FAM210A: variants seen among roughly 807,000 people sequenced by gnomAD.
FAM210A encodes the protein family with sequence similarity 210 member A.
Under a neutral mutation model 25.3 loss-of-function variants are expected in FAM210A, and 13 were observed. That is an observed-to-expected ratio of 0.51 (90% CI 0.33 to 0.82). The LOEUF (loss-of-function observed/expected upper bound fraction) is 0.82, where lower values mean the gene tolerates loss of function less well. Among genes scored for constraint, FAM210A ranks in the 40% least tolerant of loss-of-function variants. The probability of loss-of-function intolerance (pLI) is 0.02; values close to 1 mark genes in which losing one functional copy is unlikely to be tolerated. For synonymous variants in FAM210A, 125 were observed against 118.7 expected (o/e 1.05, Z -0.35); for missense variants, 319 against 323.2 (o/e 0.99, Z 0.10).
intron 1 of FAM210A, among the ~76,000 whole-genome samples, chr18:13,716,395 T>C (rs369728946): frequency 3.3e-5 from 5 of 152,194 alleles, no homozygotes; most frequent in East Asian, 1.9e-4. Context: ...TGTGGCTGGC[T>C]GACTGTTATT....
At chr18:13,723,719 T>G (rs1029100566) in intron 1 of FAM210A, among the ~76,000 whole-genome samples, 28 of 152,362 alleles carry the variant, frequency 1.8e-4, no homozygotes, top group African/African-American at 6.5e-4. Flanking sequence ...ATTAAATAAC[T>G]AGGTATTATA....
chr18:13,698,664 A>G (rs2043715243), intron 1 of FAM210A, among the ~76,000 whole-genome samples: 1 of 152,080 alleles, frequency 6.6e-6, no homozygotes, highest in South Asian at 2.1e-4. Context: ...GCACAGGAAC[A>G]TTTTTATCAT....
At chr18:13,708,718 T>A (rs569091346) in intron 1 of FAM210A, among the ~76,000 whole-genome samples, 4 of 152,360 alleles carry the variant, frequency 2.6e-5, no homozygotes, top group Admixed American at 6.5e-5. Flanking sequence ...CATCTGATAC[T>A]GCTCCACAAG....
intron 1 of FAM210A, among the ~76,000 whole-genome samples, chr18:13,687,484 T>TG (rs1441178205): frequency 6.6e-6 from 1 of 151,972 alleles, no homozygotes; most frequent in Non-Finnish European, 1.5e-5. Context: ...ATTGGACGAG[T>TG]GAGCCGGGCA....
chr18:13,719,509 G>A (rs950689136), intron 1 of FAM210A, among the ~76,000 whole-genome samples: 10 of 152,092 alleles, frequency 6.6e-5, no homozygotes, highest in East Asian at 1.9e-4. Flanking sequence ...CCACTTCTCC[G>A]GGAGGATCCC....
intron 2 of FAM210A, among the ~76,000 whole-genome samples, chr18:13,675,293 C>A (rs2043485047): frequency 9.4e-6 from 1 of 106,942 alleles, no homozygotes; most frequent in Non-Finnish European, 2.0e-5. Flanking sequence ...TATTAACATT[C>A]CTGAGACCCG....
chr18:13,716,803 A>T (rs1243968299), intron 1 of FAM210A, among the ~76,000 whole-genome samples: 2 of 152,046 alleles, frequency 1.3e-5, no homozygotes, highest in Admixed American at 6.5e-5. Flanking sequence ...TTCCACTATG[A>T]TTGGAAGTTT....
chr18:13,691,062 TGACCC>T (rs1407287090), intron 1 of FAM210A, among the ~76,000 whole-genome samples: 2 of 152,178 alleles, frequency 1.3e-5, no homozygotes, highest in African/African-American at 4.8e-5. Flanking sequence ...AGTCCTTAAA[TGACCC>T]GATGGAGCTG....
At chr18:13,722,635 A>G (rs757995087) in intron 1 of FAM210A, among the ~76,000 whole-genome samples, 2 of 152,132 alleles carry the variant, frequency 1.3e-5, no homozygotes, top group Non-Finnish European at 2.9e-5. Context: ...CAATGCCCTC[A>G]TTTTAATAGC....
chr18:13,706,233 G>A (rs1231861524), intron 1 of FAM210A, among the ~76,000 whole-genome samples: 1 of 152,020 alleles, frequency 6.6e-6, no homozygotes, highest in Non-Finnish European at 1.5e-5. Context: ...GAAAAAGATG[G>A]CATCCTTGAT....
At chr18:13,718,602 T>C (rs979638529) in intron 1 of FAM210A, among the ~76,000 whole-genome samples, 7 of 152,212 alleles carry the variant, frequency 4.6e-5, no homozygotes, top group Admixed American at 3.9e-4. Context: ...GTATAAATTG[T>C]GTCTTTTCCC....
At position 13,664,500 on chromosome 18, in the gene FAM210A, G is replaced by C. The variant is rs1367716694; in HGVS notation, c.*1980C>G. ...AAACAGCACTTAAACCTGCAAAAAT[G>C]TGAATTATTTGATAAATACTTAAAA... On this transcript the variant is annotated 3_prime_UTR_variant, in exon 4 of 4. Coordinates refer to ENST00000651643, the MANE Select transcript of FAM210A (RefSeq NM_152352.4). 1 of 152,158 alleles carries C rather than the reference G, an allele frequency of 6.6e-6. No homozygotes were observed. Among genetic ancestry groups the C allele is most frequent in the African/African-American group, 2.4e-5 (1 of 41,438 alleles). 9.4% of individuals were successfully genotyped at this position (152,158 alleles called of 1,614,324 possible).
At chr18:13,690,340 GAAC>G (rs2043632633) in intron 1 of FAM210A, among the ~76,000 whole-genome samples, 1 of 152,330 alleles carries the variant, frequency 6.6e-6, no homozygotes, top group South Asian at 2.1e-4. Flanking sequence ...AGGCATAGCC[GAAC>G]AAAAGGCAGC....
rs772413284 is a variant in FAM210A at position 13,666,467 on chromosome 18, T to C, written c.*13A>G. The C allele has an allele frequency of 6.3e-7, 1 of 1,599,544 alleles. No individual in the cohort carries two copies. Among genetic ancestry groups the C allele is most frequent in the African/African-American group, 1.3e-5 (1 of 74,474 alleles). ...AAAGTGCAGGAATTTTCTATACTGC[T>C]ATATAAGGCACCTTATTCCACTTTT... On this transcript the variant is annotated 3_prime_UTR_variant, in exon 4 of 4. Transcript: ENST00000651643.
rs1318944709 is a variant in FAM210A at position 13,664,371 on chromosome 18, A to C, written c.*2109T>G. On this transcript the variant is annotated 3_prime_UTR_variant, in exon 4 of 4. Coordinates refer to ENST00000651643, the MANE Select transcript of FAM210A (RefSeq NM_152352.4). Reference sequence around the variant, plus strand: ...CTGGAAAATATGCAACATGAAAAGTAAAAGGAAATTGTTTTAGAAAAATTC... The same window carrying C: ...CTGGAAAATATGCAACATGAAAAGTCAAAGGAAATTGTTTTAGAAAAATTC... The C allele has an allele frequency of 6.6e-6, 1 of 152,242 alleles. No homozygotes were observed. Among genetic ancestry groups the C allele is most frequent in the Non-Finnish European group, 1.5e-5 (1 of 68,040 alleles). The allele number at this position is 152,242 out of a possible 1,614,324, so 9.4% of individuals were successfully genotyped here.
At chr18:13,724,676 G>C (rs981985130) in intron 1 of FAM210A, among the ~76,000 whole-genome samples, 7 of 152,070 alleles carry the variant, frequency 4.6e-5, no homozygotes, top group Non-Finnish European at 8.8e-5. Flanking sequence ...TTCTAGTTAA[G>C]TTTTATAAAA....
intron 2 of FAM210A, among the ~76,000 whole-genome samples, 187 bp from the exon 3 acceptor site, chr18:13,672,160 C>T (rs889202306): frequency 5.3e-5 from 8 of 152,178 alleles, no homozygotes; most frequent in Non-Finnish European, 4.4e-5. Flanking sequence ...GCAACATGCA[C>T]ACAAACATCA....
intron 1 of FAM210A, among the ~76,000 whole-genome samples, chr18:13,721,089 A>C (rs1297697448): frequency 1.3e-5 from 2 of 152,184 alleles, no homozygotes; most frequent in East Asian, 3.9e-4. Flanking sequence ...TGAGGTACTA[A>C]GGGCTAGGAA....
rs2043556891 is a variant in FAM210A at position 13,681,845 on chromosome 18, G to A, written c.233C>T (p.Pro78Leu). Residue 78 changes from proline to leucine, a missense_variant, in exon 2 of 4, where the codon CCA becomes CTA. Transcript: ENST00000651643. Reference protein sequence around the residue: ...RRPLDAHPPQPGVLRHKQGKQ... With the variant: ...RRPLDAHPPQLGVLRHKQGKQ... Reference sequence around the variant, plus strand: ...CCCTTGCTTATGGCGAAGGACTCCTGGTTGGGGTGGATGAGCATCCAATGG... The same window carrying A: ...CCCTTGCTTATGGCGAAGGACTCCTAGTTGGGGTGGATGAGCATCCAATGG... The A allele has an allele frequency of 2.5e-6, 4 of 1,614,202 alleles. No homozygotes were observed. Among genetic ancestry groups the A allele is most frequent in the Non-Finnish European group, 3.4e-6 (4 of 1,180,040 alleles).
Sources: allele counts gnomAD v4.1 joint callset (sites outside exome capture counted in the v4.1 genomes callset), GRCh38; gene constraint gnomAD v4.1.1; transcripts MANE v1.5; gene names NCBI Gene and HGNC (gene_info 2026-07-23, HGNC 2026-07-21).